The following CDH2 variants were observed in gnomAD, a reference collection of about 807,000 sequenced individuals.
The protein encoded by CDH2 is cadherin 2, also known as cadherin-2.
A neutral mutation model predicts 92.0 loss-of-function variants in CDH2; 17 were observed. That is an observed-to-expected ratio of 0.18 (90% CI 0.13 to 0.28). The LOEUF (loss-of-function observed/expected upper bound fraction) is 0.28. CDH2 is among the 10% of genes least tolerant of loss of function. The probability of loss-of-function intolerance (pLI) is 1.00; values close to 1 mark genes in which losing one functional copy is unlikely to be tolerated. For synonymous variants in CDH2, 419 were observed against 415.9 expected (o/e 1.01, Z -0.09); for missense variants, 862 against 1,133.1 (o/e 0.76, Z 3.44).
chr18:27,990,852 C>G (rs555055244), intron 9 of CDH2, among the ~76,000 whole-genome samples: 2 of 152,088 alleles, frequency 1.3e-5, no homozygotes, highest in Non-Finnish European at 2.9e-5. Context: ...TTTAAAAGTA[C>G]CTTTCATAAT....
At position 28,153,264 on chromosome 18, in the gene CDH2, C is replaced by CT. The variant is rs543694465; in HGVS notation, c.61-5481dup. Among the ~76,000 whole-genome samples, 6 of 151,600 alleles carry CT rather than the reference C, an allele frequency of 4.0e-5. No homozygotes were observed. The South Asian group carries it at 6.3e-4, about 16-fold the overall frequency. ...TGTAGTCCACCAAAACCATCCTGATCTTTTTTTTTCTAGGCAACTGTTAAG... is the reference window on the plus strand; with the variant it reads ...TGTAGTCCACCAAAACCATCCTGATCTTTTTTTTTTCTAGGCAACTGTTAAG... On this transcript the variant is annotated intron_variant, in intron 1 of 15. Transcript: ENST00000269141.
intron 2 of CDH2, among the ~76,000 whole-genome samples, chr18:28,039,474 T>C (rs1398787253): frequency 6.6e-6 from 1 of 152,206 alleles, no homozygotes; most frequent in African/African-American, 2.4e-5. Flanking sequence ...GCAACTCACA[T>C]TTCCATTTTA....
intron 13 of CDH2, among the ~76,000 whole-genome samples, chr18:27,984,680 T>C (rs2012166871): frequency 6.6e-6 from 1 of 152,192 alleles, no homozygotes; most frequent in African/African-American, 2.4e-5. Context: ...ATAAGAAAAG[T>C]GCTCAAACTT....
In CDH2 at chr18:27,992,676, G is replaced by T. The variant is rs748210936; in HGVS notation, c.1323C>A (p.Asp441Glu). The change falls in exon 9 of 16, where the codon GAC (aspartate) becomes GAA (glutamate). Residue 441 changes from aspartate to glutamate, a missense_variant. By Grantham distance (45) the Asp-to-Glu change is conservative. Around this residue, in one of 5 missense-constraint regions of CDH2, gnomAD observed 564 missense variants for 722.2 expected, o/e 0.78. Transcript: ENST00000269141. ...TTACTTTGACCACGGTGACTAACCC[G>T]TCGTTGCTGTTTGGGTCGGTCTGGA... ...FAIQTDPNSN[D>E]GLVTVVKPID... The T allele has an allele frequency of 3.1e-6, 5 of 1,613,138 alleles. No homozygotes were observed. Among genetic ancestry groups the T allele is most frequent in the Non-Finnish European group, 4.2e-6 (5 of 1,179,548 alleles).
chr18:27,934,993 C>G (rs763560686), intron 6 of CDH2, among the ~76,000 whole-genome samples: 10 of 152,202 alleles, frequency 6.6e-5, no homozygotes, highest in Non-Finnish European at 1.2e-4. Context: ...CCTTGCTGCT[C>G]TACCCTCCAG....
chr18:28,007,146 T>G (rs1216902039), intron 5 of CDH2, among the ~76,000 whole-genome samples: 1 of 109,618 alleles, frequency 9.1e-6, no homozygotes, highest in Non-Finnish European at 1.7e-5. Flanking sequence ...GGCAACAGAG[T>G]GAGACTCCAT....
At chr18:28,001,417 G>T (rs1431235140) in intron 7 of CDH2, among the ~76,000 whole-genome samples, 2 of 152,190 alleles carry the variant, frequency 1.3e-5, no homozygotes, top group African/African-American at 4.8e-5. Flanking sequence ...GAATGAAAGA[G>T]AAATATTAGG....
intron 2 of CDH2, among the ~76,000 whole-genome samples, chr18:28,043,691 C>A (rs1274106231): frequency 6.6e-6 from 1 of 150,394 alleles, no homozygotes; most frequent in Non-Finnish European, 1.5e-5. Context: ...TATTATCATC[C>A]TCTTTGAAAA....
chr18:28,088,375 A>T (rs1477281122), intron 2 of CDH2, among the ~76,000 whole-genome samples: 2 of 152,244 alleles, frequency 1.3e-5, no homozygotes, highest in Admixed American at 1.3e-4. Context: ...CTGAACACGC[A>T]AATGAGTTTT....
At chr18:27,948,032 A>C (rs1945525151), downstream of CDH2, among the ~76,000 whole-genome samples, 1 of 147,410 alleles carries the variant, frequency 6.8e-6, no homozygotes, top group South Asian at 2.3e-4. Flanking sequence ...TAAGTGATAT[A>C]ACTTTGATAT....
chr18:28,122,894 G>A (rs934780837), intron 2 of CDH2, among the ~76,000 whole-genome samples: 6 of 152,120 alleles, frequency 3.9e-5, no homozygotes, highest in African/African-American at 1.4e-4. Flanking sequence ...TATTAAAAAT[G>A]AGTAATTTCT....
At chr18:28,031,580 T>C (rs2013696909) in intron 2 of CDH2, among the ~76,000 whole-genome samples, 1 of 152,078 alleles carries the variant, frequency 6.6e-6, no homozygotes, top group South Asian at 2.1e-4. Context: ...TCTCTACAGT[T>C]ACATATGTTT....
chr18:28,067,910 A>G (rs2014540657), intron 2 of CDH2, among the ~76,000 whole-genome samples: 1 of 152,198 alleles, frequency 6.6e-6, no homozygotes. Context: ...ATAATGAGAC[A>G]AGACTATTTC....
chr18:27,959,754 A>C (rs2011348225), intron 15 of CDH2, among the ~76,000 whole-genome samples: 1 of 152,052 alleles, frequency 6.6e-6, no homozygotes, highest in Non-Finnish European at 1.5e-5. Flanking sequence ...TATTATACCT[A>C]CCTCCTTAGA....
At chr18:28,124,940 T>C (rs2015652456) in intron 2 of CDH2, among the ~76,000 whole-genome samples, 5 of 152,192 alleles carry the variant, frequency 3.3e-5, no homozygotes, top group Admixed American at 2.0e-4. Flanking sequence ...TAGACACAAA[T>C]ATGAGTTATT....
At chr18:28,014,547 C>T (rs2144040178) in intron 2 of CDH2, among the ~76,000 whole-genome samples, 1 of 152,176 alleles carries the variant, frequency 6.6e-6, no homozygotes, top group South Asian at 2.1e-4. Context: ...AAATAATTTA[C>T]AAATTTCTAT....
intron 15 of CDH2, among the ~76,000 whole-genome samples, chr18:27,958,830 C>G (rs899994291): frequency 1.3e-5 from 2 of 152,118 alleles, no homozygotes; most frequent in South Asian, 2.1e-4. Flanking sequence ...CTCATGAGAT[C>G]TGATGGTTTT....
intron 1 of CDH2, among the ~76,000 whole-genome samples, chr18:28,161,773 A>C (rs17495279): frequency 0.11 from 17,216 of 151,976 alleles, 3,213 homozygotes; most frequent in African/African-American, 0.39. Flanking sequence ...CAGAGTGTAA[A>C]CCTCATCCTC....
In CDH2 at chr18:27,985,635, A is replaced by G; in HGVS notation, c.1868T>C (p.Ile623Thr). 1.9e-6 allele frequency: 3 copies of G among 1,613,928 alleles called. No homozygotes were observed. The highest frequency in any genetic ancestry group is 2.5e-6 in the Non-Finnish European group (3 of 1,179,790). Residue 623 changes from isoleucine (I) to threonine (T), a missense_variant, in exon 12 of 16, where the codon ATT becomes ACT. Ile to Thr is a moderately conservative substitution (Grantham distance 89). Around this residue, in one of 5 missense-constraint regions of CDH2, gnomAD observed 564 missense variants for 722.2 expected, o/e 0.78. Coordinates refer to ENST00000269141, the MANE Select transcript of CDH2 (RefSeq NM_001792.5). ...ATCAATGTCATAATCAAGTGCTGTA[A>G]TATTAATTGAATTGGGGTCTGGAGT... is the stretch of plus-strand genomic sequence containing the variant. ...CETPDPNSIN[I>T]TALDYDIDPN...
Sources: gnomAD v4.1 joint callset for allele counts (sites outside exome capture counted in the v4.1 genomes callset) on GRCh38, gnomAD v4.1.1 for gene constraint, gnomAD v4.1.1 regional missense constraint, MANE v1.5 for transcripts, NCBI Gene and HGNC (gene_info 2026-07-23, HGNC 2026-07-21) for gene names.